Variants in NACC2 observed in about 807,000 individuals in gnomAD.
NACC2 encodes the protein NACC family member 2, also known as nucleus accumbens-associated protein 2.
In NACC2, 8 loss-of-function variants were observed where a neutral mutation model predicts 25.1. The observed-to-expected ratio is 0.32, with a 90% confidence interval of 0.19 to 0.57. NACC2 has a LOEUF of 0.57. Among genes scored for constraint, NACC2 ranks in the 20% least tolerant of loss-of-function variants. The pLI is 0.89. For synonymous variants in NACC2, 435 were observed against 294.7 expected (o/e 1.48, Z -4.88); for missense variants, 644 against 650.2 (o/e 0.99, Z 0.10).
rs953733666 is a variant in NACC2, at chr9:136,048,717, G to A, written c.886+919C>T. Among the ~76,000 whole-genome samples, 406 of 152,364 alleles carry A rather than the reference G, an allele frequency of 2.7e-3. 15 individuals are homozygous for A. The South Asian group carries it at 0.077, about 29-fold the overall frequency. On this transcript the variant is annotated intron_variant, in intron 2 of 5. Transcript: ENST00000277554. ...GCTGTGGTGACAGACGCTGCACAGG[G>A]ACCCAGCTGGCCTAGGGGTCCAAGC... is the stretch of plus-strand genomic sequence containing the variant.
Position 136,013,444 on chromosome 9 carries a change from G to C in NACC2, c.1158-148C>G. ...TGTCCCAGTGGCAGGAGCCGGCCCAGCCACCCTCTAAGGGACAGGACAAAG... is the reference window on the plus strand; with the variant it reads ...TGTCCCAGTGGCAGGAGCCGGCCCACCCACCCTCTAAGGGACAGGACAAAG... On this transcript the variant is annotated intron_variant, in intron 4 of 5. Coordinates refer to ENST00000277554, the MANE Select transcript of NACC2 (RefSeq NM_144653.5). The surrounding 1 kb of genome is among the most constrained non-coding windows in gnomAD (Gnocchi z 6.6). 1.5e-6 allele frequency: 1 copy of C among 660,416 alleles called. No homozygotes were observed. Among genetic ancestry groups the C allele is most frequent in the South Asian group, 1.9e-5 (1 of 53,668 alleles). 40.9% of individuals were successfully genotyped at this position (660,416 alleles called of 1,614,324 possible). A position where few individuals can be genotyped will look rare whatever the true frequency, so the allele number is the denominator to read the frequency against.
intron 5 of NACC2, among the ~76,000 whole-genome samples, chr9:136,012,279 GC>G (rs1840123080): frequency 6.6e-6 from 1 of 152,258 alleles, no homozygotes; most frequent in South Asian, 2.1e-4. Context: ...TTGGCCGTCC[GC>G]CAGCTGTGAG....
chr9:136,019,641 G>C lies in NACC2; in HGVS notation c.887-3212C>G, dbSNP rs1160130058. Among the ~76,000 whole-genome samples, 3 of 152,196 alleles carry C rather than the reference G, an allele frequency of 2.0e-5. No individual in the cohort carries two copies. Among genetic ancestry groups the C allele is most frequent in the Non-Finnish European group, 4.4e-5 (3 of 68,024 alleles). On this transcript the variant is annotated intron_variant, in intron 2 of 5. Transcript: ENST00000277554. This position sits in a 1 kb window ranked among gnomAD's most constrained non-coding sequence, Gnocchi z 5.2. ...AGGGAAGGTGCACCAGGGTCACGACGAGAGGGCCCGGAGCAGCAGCCTCCC... is the reference window on the plus strand; with the variant it reads ...AGGGAAGGTGCACCAGGGTCACGACCAGAGGGCCCGGAGCAGCAGCCTCCC...
intron 2 of NACC2, among the ~76,000 whole-genome samples, chr9:136,030,629 G>C (rs116819366): frequency 0.013 from 2,048 of 151,940 alleles, 52 homozygotes; most frequent in African/African-American, 0.041. Flanking sequence ...ATAAAAAGAG[G>C]GTACTGGAAC....
chr9:136,075,675 C>T lies in NACC2; in HGVS notation c.-60+19514G>A, dbSNP rs76913198. Among the ~76,000 whole-genome samples the T allele has an allele frequency of 1.9e-3, 290 of 152,334 alleles. 7 individuals are homozygous for T. In the East Asian group the frequency reaches 0.046, roughly 24 times the overall value. Reference sequence around the variant, plus strand: ...AAACCTGTGCTGATGCTGTCCTGAGCTCCCTGTGCCCGGTCTTCCACACGC... The same window carrying T: ...AAACCTGTGCTGATGCTGTCCTGAGTTCCCTGTGCCCGGTCTTCCACACGC... On this transcript the variant is annotated intron_variant, in intron 1 of 5. Coordinates refer to ENST00000277554, the MANE Select transcript of NACC2 (RefSeq NM_144653.5).
chr9:136,007,554 C>CACAGACGCACAT lies in NACC2; in HGVS notation c.*3961_*3962insATGTGCGTCTGT, dbSNP rs56146602. The CACAGACGCACAT allele has an allele frequency of 0.54, 80,859 of 149,792 alleles. 21,999 individuals are homozygous for CACAGACGCACAT. The highest frequency in any genetic ancestry group is 0.65 in the African/African-American group (26,322 of 40,620). The allele number at this position is 149,792 out of a possible 1,614,324, so 9.3% of individuals were successfully genotyped here. On this transcript the variant is annotated 3_prime_UTR_variant, in exon 6 of 6. Transcript: ENST00000277554. ...AGACGTGCACACACAGACACGCACA[C>CACAGACGCACAT]ACACACAGACACGCGCACACGCACA...
In NACC2 at chr9:136,018,441, A is replaced by G. The variant is rs2131136432; in HGVS notation, c.887-2012T>C. 6.6e-6 allele frequency among the ~76,000 whole-genome samples: 1 copy of G among 152,146 alleles called. No homozygotes were observed. The highest frequency in any genetic ancestry group is 6.5e-5 in the Admixed American group (1 of 15,286). ...ATCCTGAATCCACAGCGGGCGCCCC[A>G]CTGAAGGCAGCAGGTGTTCCACTCC... On this transcript the variant is annotated intron_variant, in intron 2 of 5. Coordinates refer to ENST00000277554, the MANE Select transcript of NACC2 (RefSeq NM_144653.5). This position sits in a 1 kb window ranked among gnomAD's most constrained non-coding sequence, Gnocchi z 4.4.
At chr9:136,065,006 C>T (rs1459084538) in intron 1 of NACC2, among the ~76,000 whole-genome samples, 6 of 152,160 alleles carry the variant, frequency 3.9e-5, no homozygotes, top group South Asian at 2.1e-4. Flanking sequence ...TAGCCACATG[C>T]AAAAGAATGA....
Position 136,021,105 on chromosome 9 carries a change from T to C in NACC2, c.887-4676A>G, listed in dbSNP as rs375032771. ...ATAAAAAAACAAGCTAGCCACAGACTGGAGGAAGATGCTTGCAAATCACAT... is the reference window on the plus strand; with the variant it reads ...ATAAAAAAACAAGCTAGCCACAGACCGGAGGAAGATGCTTGCAAATCACAT... On this transcript the variant is annotated intron_variant, in intron 2 of 5. Coordinates refer to ENST00000277554, the MANE Select transcript of NACC2 (RefSeq NM_144653.5). Among the ~76,000 whole-genome samples the C allele has an allele frequency of 2.3e-4, 35 of 152,306 alleles. No homozygotes were observed. In the East Asian group the frequency reaches 3.9e-3, roughly 17 times the overall value.
At chr9:136,047,884 C>T (rs1040521510) in intron 2 of NACC2, among the ~76,000 whole-genome samples, 14 of 152,188 alleles carry the variant, frequency 9.2e-5, no homozygotes, top group Admixed American at 3.3e-4. Context: ...GAGGCTTCAC[C>T]GTGCTCCCAG....
intron 2 of NACC2, among the ~76,000 whole-genome samples, chr9:136,036,870 A>T (rs2131151562): frequency 6.6e-6 from 1 of 152,374 alleles, no homozygotes; most frequent in African/African-American, 2.4e-5. Context: ...TTTTTTAAAA[A>T]AGTAAAAATG....
chr9:136,061,657 C>T (rs992057466), intron 1 of NACC2, among the ~76,000 whole-genome samples: 29 of 152,194 alleles, frequency 1.9e-4, no homozygotes, highest in African/African-American at 6.5e-4. Context: ...AGCCCTCACA[C>T]GGCCAGGTGG....
intron 1 of NACC2, among the ~76,000 whole-genome samples, chr9:136,057,656 T>A (rs1840944699): frequency 1.3e-5 from 2 of 152,128 alleles, no homozygotes; most frequent in Non-Finnish European, 2.9e-5. Context: ...GGCCCCCTCC[T>A]CCCCCAGGGC....
At chr9:136,072,437 T>G (rs1465956514) in intron 1 of NACC2, among the ~76,000 whole-genome samples, 2 of 151,898 alleles carry the variant, frequency 1.3e-5, no homozygotes, top group Non-Finnish European at 2.9e-5. Flanking sequence ...CCCAGCTACT[T>G]GAGAGGCTGA....
chr9:136,088,175 C>T (rs1053574163), intron 1 of NACC2, among the ~76,000 whole-genome samples: 2 of 152,170 alleles, frequency 1.3e-5, no homozygotes, highest in Non-Finnish European at 2.9e-5. Context: ...GCAGGGTCAG[C>T]GGAATTTTGC....
At chr9:136,063,500 T>A (rs1255299264) in intron 1 of NACC2, among the ~76,000 whole-genome samples, 8 of 152,202 alleles carry the variant, frequency 5.3e-5, no homozygotes, top group Non-Finnish European at 1.2e-4. Flanking sequence ...TCTCTGCATG[T>A]CCATCACCAG....
chr9:136,049,783 T>A lies in NACC2; in HGVS notation c.739A>T (p.Thr247Ser), dbSNP rs1564230769. The A allele has an allele frequency of 4.8e-5, 37 of 771,926 alleles. No homozygotes were observed. The East Asian group carries it at 5.4e-4, about 11-fold the overall frequency. 47.8% of individuals were successfully genotyped at this position (771,926 alleles called of 1,614,324 possible). A position where few individuals can be genotyped will look rare whatever the true frequency, so the allele number is the denominator to read the frequency against. ...GGCAGGCTGCTGGCGCCTGGACTGG[T>A]CCGCTCCCCCTGGGGGTAGGGCATC... ...QQMPYPQGERTSPGASSLPTT... is the reference protein window; with the variant it reads ...QQMPYPQGERSSPGASSLPTT... The change falls in exon 2 of 6, where the codon ACC becomes TCC. Residue 247 changes from threonine to serine, a missense_variant. Transcript: ENST00000277554.
intron 1 of NACC2, among the ~76,000 whole-genome samples, chr9:136,078,473 G>A (rs1373844630): frequency 6.6e-6 from 1 of 152,192 alleles, no homozygotes; most frequent in Non-Finnish European, 1.5e-5. Context: ...CTTAAAGTAA[G>A]CGCAGGAGAA....
At chr9:136,023,088 AAGGAGGGAAGAG>A (rs1564220693) in intron 2 of NACC2, among the ~76,000 whole-genome samples, 1 of 444 alleles carries the variant, frequency 2.3e-3, no homozygotes, top group African/African-American at 8.8e-3. Context: ...GGAGGGAGGG[AAGGAGGGAAGAG>A]GGAGGGAGGA....
Sources: gnomAD v4.1 joint callset for allele counts (sites outside exome capture counted in the v4.1 genomes callset) on GRCh38, gnomAD v4.1.1 for gene constraint, Gnocchi (gnomAD v3.1) non-coding constraint, MANE v1.5 for transcripts, NCBI Gene and HGNC (gene_info 2026-07-23, HGNC 2026-07-21) for gene names.